The following ARHGAP8 variants were observed in gnomAD, a reference collection of about 807,000 sequenced individuals.
ARHGAP8 encodes the protein rho GTPase-activating protein 8.
Under a neutral mutation model 46.1 loss-of-function variants are expected in ARHGAP8, and 62 were observed. That is an observed-to-expected ratio of 1.34 (90% confidence interval 1.10 to 1.66). The LOEUF (loss-of-function observed/expected upper bound fraction) is 1.66. Ranked by LOEUF, ARHGAP8 falls within the 40% of genes most tolerant of loss-of-function variation. ARHGAP8 has a pLI of 0.00. For missense variants in ARHGAP8, 923 were observed against 568.4 expected (o/e 1.62, Z -6.34); for synonymous variants, 375 against 243.1 (o/e 1.54, Z -5.05).
intron 3 of ARHGAP8, among the ~76,000 whole-genome samples, chr22:44,804,504 C>T (rs1253201630): frequency 5.9e-5 from 9 of 152,172 alleles, no homozygotes; most frequent in African/African-American, 2.2e-4. Context: ...GAGGCCAAGC[C>T]CTGGCCGATC....
At chr22:44,782,826 CCCGTCTCCAGCTTT>C (rs1382323322) in intron 1 of ARHGAP8, among the ~76,000 whole-genome samples, 1 of 152,152 alleles carries the variant, frequency 6.6e-6, no homozygotes, top group African/African-American at 2.4e-5. Context: ...TTGCTCAGTC[CCCGTCTCCAGCTTT>C]CCTGGGCTTC....
chr22:44,815,004 G>A (rs561825413), intron 5 of ARHGAP8, among the ~76,000 whole-genome samples: 51 of 152,220 alleles, frequency 3.4e-4, no homozygotes, highest in Non-Finnish European at 1.0e-4. Flanking sequence ...GCCCCCCTTT[G>A]CCTGAGCCCC....
At chr22:44,858,455 T>C (rs1040190428) in intron 10 of ARHGAP8, among the ~76,000 whole-genome samples, 1 of 118,640 alleles carries the variant, frequency 8.4e-6, no homozygotes, top group Non-Finnish European at 1.9e-5. Context: ...GCAGCCTCTG[T>C]CTTCTGAGTT....
intron 1 of ARHGAP8, among the ~76,000 whole-genome samples, chr22:44,773,950 A>G (rs1392869529): frequency 6.6e-6 from 1 of 152,238 alleles, no homozygotes; most frequent in Non-Finnish European, 1.5e-5. Flanking sequence ...ACTGCATACC[A>G]GTCACATACC....
chr22:44,785,605 C>T (rs1305157137), intron 1 of ARHGAP8, among the ~76,000 whole-genome samples: 3 of 152,110 alleles, frequency 2.0e-5, no homozygotes, highest in Admixed American at 6.5e-5. Flanking sequence ...GGTCACATTC[C>T]GAGCTCCAGG....
rs554666882 is a variant in ARHGAP8, at chr22:44,773,708, G to A, written c.-71-12749G>A. Reference sequence around the variant, plus strand: ...AGTGATTCTCCTGCCTCAATCTCCCGAGTAGCTAGGACTAAAGGTGTACAC... The same window carrying A: ...AGTGATTCTCCTGCCTCAATCTCCCAAGTAGCTAGGACTAAAGGTGTACAC... On this transcript the variant is annotated intron_variant, in intron 1 of 11. Coordinates refer to ENST00000356099, the MANE Select transcript of ARHGAP8 (RefSeq NM_181335.3). Among the ~76,000 whole-genome samples, 236 of 152,134 alleles carry A rather than the reference G, an allele frequency of 1.6e-3. 1 individual carries two copies. The highest frequency in any genetic ancestry group is 0.01 in the Middle Eastern group (3 of 294).
rs1555907814 is a variant in ARHGAP8, at chr22:44,754,373, T to TGTGA, written c.-72+1747_-72+1748insTGAG. ...GTGTGTGTGTGTGTGTGTGTGTGTGTGACGCAGTTTTCGCTCTTGTCGCCC... is the reference window on the plus strand; with the variant it reads ...GTGTGTGTGTGTGTGTGTGTGTGTGTGTGAGACGCAGTTTTCGCTCTTGTCGCCC... On this transcript the variant is annotated intron_variant, in intron 1 of 11. Transcript: ENST00000356099. Among the ~76,000 whole-genome samples the TGTGA allele has an allele frequency of 7.4e-3, 1,089 of 147,556 alleles. 5 individuals are homozygous for TGTGA. Among genetic ancestry groups the TGTGA allele is most frequent in the African/African-American group, 0.015 (590 of 40,056 alleles).
chr22:44,783,681 C>T (rs1023886779), intron 1 of ARHGAP8, among the ~76,000 whole-genome samples: 4 of 152,234 alleles, frequency 2.6e-5, no homozygotes, highest in East Asian at 1.9e-4. Context: ...GTCCCCACCC[C>T]GTCAGCGGCA....
At chr22:44,757,365 C>T (rs548690158) in intron 1 of ARHGAP8, among the ~76,000 whole-genome samples, 5 of 152,140 alleles carry the variant, frequency 3.3e-5, no homozygotes, top group South Asian at 4.1e-4. Flanking sequence ...GCAACCTCCG[C>T]GTCCCGGGTT....
chr22:44,860,175 C>CTGGTACAGAGCCCAG (rs143043964), intron 11 of ARHGAP8, among the ~76,000 whole-genome samples: 7,259 of 152,138 alleles, frequency 0.048, 456 homozygotes, highest in East Asian at 0.34. Context: ...GTGTCCACCA[C>CTGGTACAGAGCCCAG]TGGTACAGAG....
At chr22:44,762,481 G>A (rs1163964409) in intron 1 of ARHGAP8, among the ~76,000 whole-genome samples, 1 of 151,408 alleles carries the variant, frequency 6.6e-6, no homozygotes, top group Non-Finnish European at 1.5e-5. Context: ...CTGGTTCCTG[G>A]CAGAGCTCCT....
intron 1 of ARHGAP8, among the ~76,000 whole-genome samples, chr22:44,759,786 G>C (rs971226179): frequency 1.3e-5 from 2 of 152,218 alleles, no homozygotes; most frequent in Admixed American, 6.5e-5. Flanking sequence ...ATTAACCTTT[G>C]AAAAGGGAGA....
chr22:44,832,222 ATT>A lies in ARHGAP8; in HGVS notation c.596+6649_596+6650del, dbSNP rs373759458. On this transcript the variant is annotated intron_variant, in intron 7 of 11. Transcript: ENST00000356099. ...AATTTGTGATGCTATTGTCAATGTA[ATT>A]TTTTTTTTTTTTTTTTTTTAAAGAC... is the stretch of plus-strand genomic sequence containing the variant. Among the ~76,000 whole-genome samples, 1,029 of 106,444 alleles carry A rather than the reference ATT, an allele frequency of 9.7e-3. 17 individuals carry two copies. Among genetic ancestry groups the A allele is most frequent in the African/African-American group, 0.034 (947 of 27,534 alleles). The allele number at this position is 106,444 out of a possible 152,430, so 69.8% of individuals were successfully genotyped here. A position where few individuals can be genotyped will look rare whatever the true frequency, so the allele number is the denominator to read the frequency against.
chr22:44,802,274 G>T (rs1928614720), intron 3 of ARHGAP8, 110 bp downstream of exon 3: 1 of 1,387,618 alleles, frequency 7.2e-7, no homozygotes, highest in Admixed American at 2.1e-5. Flanking sequence ...GGCCTCCTTT[G>T]TGACCTTGCT....
In ARHGAP8 at chr22:44,862,585, G is replaced by T; in HGVS notation, c.1292G>T (p.Arg431Ile). The change falls in exon 12 of 12, where the codon AGA (arginine) becomes ATA (isoleucine). Residue 431 changes from arginine (R) to isoleucine (I), a missense_variant. Physicochemically the swap from Arg to Ile is moderately conservative, Grantham distance 97. Transcript: ENST00000356099. ...LPPSPLMAARRRL is the reference protein window; with the variant it reads ...LPPSPLMAARIRL ...CCGAGTCCCCTGATGGCAGCCAGAAGACGTCTCTAGTGTTGCGAACACTCT... is the reference window on the plus strand; with the variant it reads ...CCGAGTCCCCTGATGGCAGCCAGAATACGTCTCTAGTGTTGCGAACACTCT... The T allele has an allele frequency of 3.8e-6, 6 of 1,581,862 alleles. No homozygotes were observed. The highest frequency in any genetic ancestry group is 5.2e-6 in the Non-Finnish European group (6 of 1,158,952).
chr22:44,772,401 G>A (rs1474458148), intron 1 of ARHGAP8, among the ~76,000 whole-genome samples: 1 of 139,514 alleles, frequency 7.2e-6, no homozygotes, highest in Non-Finnish European at 1.5e-5. Flanking sequence ...TGTTGACCAG[G>A]TTGGTCTCGG....
At chr22:44,805,200 A>G (rs5765030) in intron 3 of ARHGAP8, among the ~76,000 whole-genome samples, 64,031 of 152,094 alleles carry the variant, frequency 0.42, 13,697 homozygotes, top group South Asian at 0.54. Flanking sequence ...CTCCCCGAGG[A>G]GGCTGCTGCT....
chr22:44,850,790 C>A (rs950460986), intron 10 of ARHGAP8: 10 of 152,022 alleles, frequency 6.6e-5, no homozygotes, highest in African/African-American at 2.4e-4. Flanking sequence ...CATGGCAAAA[C>A]CCTGTCTCTA....
intron 10 of ARHGAP8, among the ~76,000 whole-genome samples, chr22:44,851,588 G>A (rs961584688): frequency 3.9e-5 from 6 of 152,140 alleles, no homozygotes; most frequent in Non-Finnish European, 7.4e-5. Flanking sequence ...ACTTTGGGAG[G>A]CCAAGGCAGA....
Sources: allele counts gnomAD v4.1 joint callset (sites outside exome capture counted in the v4.1 genomes callset), GRCh38; gene constraint gnomAD v4.1.1; transcripts MANE v1.5; gene names NCBI Gene and HGNC (gene_info 2026-07-23, HGNC 2026-07-21).